ATP2B4: variants seen among roughly 807,000 people sequenced by gnomAD.
ATP2B4 encodes ATPase plasma membrane Ca2+ transporting 4.
ATP2B4 carries 39 observed loss-of-function variants against 110.3 expected under a neutral mutation model. The ratio of observed to expected loss-of-function variants is 0.35; its 90% CI spans 0.27 to 0.46. The LOEUF is 0.46. ATP2B4 is among the 20% of genes least tolerant of loss of function. The pLI, the probability that ATP2B4 is intolerant of heterozygous loss-of-function variation, is 1.00. For synonymous variants in ATP2B4, 538 were observed against 571.7 expected, an observed-to-expected ratio of 0.94 and a Z score of 0.84; for missense variants, 1,135 against 1,530.9, an observed-to-expected ratio of 0.74 and a Z score of 4.32.
chr1:203,674,465 C>A (rs996915549), intron 1 of ATP2B4, among the ~76,000 whole-genome samples: 3 of 145,346 alleles, frequency 2.1e-5, no homozygotes, highest in Non-Finnish European at 3.1e-5. Context: ...TAAGGGACTG[C>A]CCTTTCTCAT....
chr1:203,649,275 T>A (rs1663904048), intron 1 of ATP2B4, among the ~76,000 whole-genome samples: 1 of 152,080 alleles, frequency 6.6e-6, no homozygotes, highest in Non-Finnish European at 1.5e-5. Flanking sequence ...GGGTGAAAAA[T>A]CTTGGAATCT....
chr1:203,671,457 G>A (rs546252599), intron 1 of ATP2B4, among the ~76,000 whole-genome samples: 1 of 152,244 alleles, frequency 6.6e-6, no homozygotes, highest in East Asian at 1.9e-4. Flanking sequence ...CACCGCACCT[G>A]CCTCTCCTGC....
chr1:203,686,096 C>T (rs1022463020), intron 2 of ATP2B4, among the ~76,000 whole-genome samples: 2 of 152,014 alleles, frequency 1.3e-5, no homozygotes, highest in African/African-American at 4.8e-5. Flanking sequence ...CTTAATCATA[C>T]CCCTTTGGGC....
At chr1:203,651,478 C>T (rs1161150228) in intron 1 of ATP2B4, among the ~76,000 whole-genome samples, 2 of 152,184 alleles carry the variant, frequency 1.3e-5, no homozygotes, top group African/African-American at 4.8e-5. Flanking sequence ...CCTATCCCAT[C>T]CCCCCACCTC....
rs1384210082 is a variant in ATP2B4 at position 203,720,736 on chromosome 1, C to T, written c.2594C>T (p.Thr865Ile). 1.9e-6 allele frequency: 3 copies of T among 1,610,892 alleles called. No homozygotes were observed. Among genetic ancestry groups the T allele is most frequent in the Non-Finnish European group, 2.5e-6 (3 of 1,178,090 alleles). Residue 865 changes from threonine to isoleucine, a missense_variant, in exon 16 of 21, where the codon ACT (threonine) becomes ATT (isoleucine). This residue lies in a region of ATP2B4 where 70 missense variants were observed against 142.4 expected (regional missense o/e 0.49). Transcript: ENST00000357681. ...VIVAFTGACI[T>I]QDSPLKAVQM... Reference sequence around the variant, plus strand: ...GTAGCCTTCACTGGAGCCTGTATCACTCAGGTGAAGGGGGTGTGGGTGGGC... The same window carrying T: ...GTAGCCTTCACTGGAGCCTGTATCATTCAGGTGAAGGGGGTGTGGGTGGGC...
chr1:203,643,064 G>A (rs1003024222), intron 1 of ATP2B4, among the ~76,000 whole-genome samples: 14 of 152,126 alleles, frequency 9.2e-5, no homozygotes, highest in African/African-American at 2.7e-4. Flanking sequence ...CTGTCTCCCC[G>A]TAGCGAAAGG....
intron 6 of ATP2B4, 21 bp from the exon 7 acceptor site, chr1:203,702,023 T>C: frequency 1.2e-6 from 2 of 1,614,034 alleles, no homozygotes; most frequent in Non-Finnish European, 1.7e-6. Flanking sequence ...GACCCCACTT[T>C]TTTCTTTCTT....
In ATP2B4 at chr1:203,720,544, C is replaced by G. The variant is rs372351294; in HGVS notation, c.2407-5C>G. 7 of 1,596,798 alleles carry G rather than the reference C, an allele frequency of 4.4e-6. No individual in the cohort carries two copies. The highest frequency in any genetic ancestry group is 5.1e-6 in the Non-Finnish European group (6 of 1,170,844). On this transcript the variant is annotated splice_region_variant and splice_polypyrimidine_tract_variant and intron_variant, in intron 15 of 20. Transcript: ENST00000357681. ...CTCACTGTTTTCCCTCCCATCTTAC[C>G]TCAGGGCATCGCAGGCACAGATGTA...
intron 20 of ATP2B4, among the ~76,000 whole-genome samples, chr1:203,735,061 C>G (rs192543198): frequency 6.9e-6 from 1 of 143,998 alleles, no homozygotes; most frequent in African/African-American, 2.6e-5. Flanking sequence ...CATGAAGGTA[C>G]GAGAAATATA....
intron 1 of ATP2B4, among the ~76,000 whole-genome samples, chr1:203,637,634 C>A (rs555281209): frequency 6.6e-6 from 1 of 152,262 alleles, no homozygotes; most frequent in East Asian, 1.9e-4. Flanking sequence ...AGCTGCTAGG[C>A]CAGCTTACCC....
At chr1:203,702,020 C>T (rs906565976) in intron 6 of ATP2B4, 24 bp from the exon 7 acceptor site, 1 of 1,613,934 alleles carries the variant, frequency 6.2e-7, no homozygotes, top group Non-Finnish European at 8.5e-7. Flanking sequence ...TTCGACCCCA[C>T]TTTTTTCTTT....
intron 19 of ATP2B4, among the ~76,000 whole-genome samples, chr1:203,725,162 C>T (rs1378912778): frequency 1.3e-5 from 2 of 149,906 alleles, no homozygotes; most frequent in African/African-American, 2.5e-5. Context: ...AGGTGTGAGC[C>T]ACCGCACCTG....
At chr1:203,679,882 A>AAAAC (rs1248679633) in intron 1 of ATP2B4, among the ~76,000 whole-genome samples, 1 of 151,690 alleles carries the variant, frequency 6.6e-6, no homozygotes, top group East Asian at 1.9e-4. Context: ...CTCCATCTCA[A>AAAAC]AAACAAACAA....
At chr1:203,712,590 CAAA>C (rs1666043691) in intron 13 of ATP2B4, among the ~76,000 whole-genome samples, 4 of 145,946 alleles carry the variant, frequency 2.7e-5, no homozygotes, top group Admixed American at 6.8e-5. Flanking sequence ...GACTCCGTCT[CAAA>C]AAAGAAAAAA....
rs1374042154 is a variant in ATP2B4 at position 203,699,441 on chromosome 1, C to T, written c.392-19C>T. 6.2e-7 allele frequency: 1 copy of T among 1,613,102 alleles called. No individual in the cohort carries two copies. Among genetic ancestry groups the T allele is most frequent in the Non-Finnish European group, 8.5e-7 (1 of 1,179,356 alleles). ...AACAAAAGCCCTTCAGTGACTATTT[C>T]TCTCCCTTCCTGGGATAGTGTGTGG... On this transcript the variant is annotated intron_variant, in intron 3 of 20. Transcript: ENST00000357681.
At chr1:203,651,268 CTT>C (rs1032529513) in intron 1 of ATP2B4, among the ~76,000 whole-genome samples, 3 of 152,044 alleles carry the variant, frequency 2.0e-5, no homozygotes, top group Non-Finnish European at 2.9e-5. Flanking sequence ...AGTTCTATCT[CTT>C]TTGTTTATTT....
rs145091680 is a variant in ATP2B4 at position 203,706,234 on chromosome 1, T to C, written c.1100-775T>C. On this transcript the variant is annotated intron_variant, in intron 8 of 20. Coordinates refer to ENST00000357681, the MANE Select transcript of ATP2B4 (RefSeq NM_001684.5). Reference sequence around the variant, plus strand: ...AGTTTGCTTGGGATTTTCTCAATTTTAGCAAAGCCCCACATCCCTGGAAAC... The same window carrying C: ...AGTTTGCTTGGGATTTTCTCAATTTCAGCAAAGCCCCACATCCCTGGAAAC... Among the ~76,000 whole-genome samples, 19 of 152,280 alleles carry C rather than the reference T, an allele frequency of 1.2e-4. No individual in the cohort carries two copies. The South Asian group carries it at 2.7e-3, about 22-fold the overall frequency.
intron 1 of ATP2B4, among the ~76,000 whole-genome samples, chr1:203,631,093 CTTGAG>C: frequency 6.6e-6 from 1 of 152,216 alleles, no homozygotes; most frequent in Non-Finnish European, 1.5e-5. Flanking sequence ...CCTACATGAA[CTTGAG>C]TTGAGGAGGG....
At chr1:203,726,704 G>T (rs1666530482) in intron 19 of ATP2B4, among the ~76,000 whole-genome samples, 1 of 152,060 alleles carries the variant, frequency 6.6e-6, no homozygotes. Context: ...TCCTTATCTT[G>T]TCCGGAAAGA....
Sources: allele counts gnomAD v4.1 joint callset (sites outside exome capture counted in the v4.1 genomes callset), GRCh38; gene constraint gnomAD v4.1.1; regional missense constraint gnomAD v4.1.1; transcripts MANE v1.5; gene names NCBI Gene and HGNC (gene_info 2026-07-23, HGNC 2026-07-21).